PCMTD1: variants seen among roughly 807,000 people sequenced by gnomAD.
The protein encoded by PCMTD1 is protein-L-isoaspartate (D-aspartate) O-methyltransferase domain containing 1.
A neutral mutation model predicts 37.6 loss-of-function variants in PCMTD1; 12 were observed. That is an observed-to-expected ratio of 0.32 (90% CI 0.20 to 0.52). The LOEUF is 0.52. Among genes scored for constraint, PCMTD1 ranks in the 20% least tolerant of loss-of-function variants. The pLI is 0.97. For synonymous variants in PCMTD1, 117 were observed against 135.8 expected (o/e 0.86, Z 0.96); for missense variants, 235 against 421.3 (o/e 0.56, Z 3.87).
chr8:51,872,196 A>T (rs1285652461), intron 1 of PCMTD1, among the ~76,000 whole-genome samples: 2 of 149,900 alleles, frequency 1.3e-5, no homozygotes, highest in East Asian at 4.0e-4. Context: ...ATGGATCCCC[A>T]AAGCCTTTCC....
intron 2 of PCMTD1, among the ~76,000 whole-genome samples, chr8:51,847,876 G>A (rs6982622): frequency 0.5 from 76,339 of 151,798 alleles, 23,530 homozygotes; most frequent in Non-Finnish European, 0.68. Context: ...CTAGGACTTC[G>A]AGACCAGCCT....
intron 3 of PCMTD1, chr8:51,845,418 T>TG: frequency 2.8e-6 from 1 of 355,414 alleles, no homozygotes; most frequent in Non-Finnish European, 5.2e-6. Context: ...GAATGTTTAA[T>TG]GAATTCAACA....
At chr8:51,891,975 T>C (rs918567385) in intron 1 of PCMTD1, among the ~76,000 whole-genome samples, 2 of 152,174 alleles carry the variant, frequency 1.3e-5, no homozygotes, top group Admixed American at 1.3e-4. Flanking sequence ...CACGAATATA[T>C]TGTTTCTGTT....
intron 5 of PCMTD1, among the ~76,000 whole-genome samples, chr8:51,821,337 C>CAATAT (rs1225868779): frequency 6.6e-6 from 1 of 152,188 alleles, no homozygotes; most frequent in African/African-American, 2.4e-5. Context: ...CGGGATCTCA[C>CAATAT]TATATTGCCT....
chr8:51,857,932 C>G (rs74681723), intron 2 of PCMTD1, among the ~76,000 whole-genome samples: 17,872 of 152,138 alleles, frequency 0.12, 1,291 homozygotes, highest in East Asian at 0.17. Context: ...GTCGAAGCTG[C>G]AGTGAGCCAA....
At chr8:51,872,976 A>C (rs940118103) in intron 1 of PCMTD1, among the ~76,000 whole-genome samples, 3 of 152,226 alleles carry the variant, frequency 2.0e-5, no homozygotes, top group Non-Finnish European at 4.4e-5. Context: ...AAAAAATCTA[A>C]GCATATTTAC....
chr8:51,837,173 A>G (rs1263860325), intron 3 of PCMTD1, among the ~76,000 whole-genome samples: 1 of 152,176 alleles, frequency 6.6e-6, no homozygotes, highest in Non-Finnish European at 1.5e-5. Context: ...CTTCTATCTA[A>G]GGGAAATTAT....
chr8:51,897,212 G>C (rs2039015901), intron 1 of PCMTD1, among the ~76,000 whole-genome samples: 1 of 152,168 alleles, frequency 6.6e-6, no homozygotes, highest in South Asian at 2.1e-4. Flanking sequence ...ACAAGCTAGT[G>C]ATTAAATCAA....
At chr8:51,832,405 G>C (rs975455904) in intron 4 of PCMTD1, among the ~76,000 whole-genome samples, 2 of 152,166 alleles carry the variant, frequency 1.3e-5, no homozygotes, top group African/African-American at 4.8e-5. Flanking sequence ...TTGCTACAGA[G>C]CACAGTACAT....
At chr8:51,877,098 T>A (rs12675404) in intron 1 of PCMTD1, among the ~76,000 whole-genome samples, 104,607 of 152,056 alleles carry the variant, frequency 0.69, 42,408 homozygotes, top group Non-Finnish European at 0.9. Context: ...TTGGTGCCGT[T>A]AAGAACTAGT....
intron 1 of PCMTD1, among the ~76,000 whole-genome samples, chr8:51,880,304 G>C (rs565697578): frequency 6.6e-6 from 1 of 152,196 alleles, no homozygotes; most frequent in East Asian, 1.9e-4. Context: ...CCCAACCTCA[G>C]TGGCAATTAA....
At chr8:51,887,258 T>C (rs1304294899) in intron 1 of PCMTD1, among the ~76,000 whole-genome samples, 2 of 152,150 alleles carry the variant, frequency 1.3e-5, no homozygotes, top group Admixed American at 6.5e-5. Flanking sequence ...GGGCTACTAT[T>C]TGCCTAGCAC....
rs576523587 is a variant in PCMTD1, at chr8:51,873,662, A to T, written c.-95-12416T>A. ...GGTGCTGTCCTCATGATAGGGAGTG[A>T]GTTCTCCTGCGATACGGTATTTTAA... On this transcript the variant is annotated intron_variant, in intron 1 of 5. Transcript: ENST00000522514. Among the ~76,000 whole-genome samples the T allele has an allele frequency of 2.0e-5, 3 of 152,108 alleles. No homozygotes were observed. The East Asian group carries it at 5.8e-4, about 30-fold the overall frequency.
In PCMTD1 at chr8:51,818,409, C is replaced by CAAAAAAAAAAA. The variant is rs35041148; in HGVS notation, c.*1931_*1941dup. On this transcript the variant is annotated 3_prime_UTR_variant, in exon 6 of 6. Transcript: ENST00000522514. ...GCATCATCTAAACAGCAGCTCCAAC[C>CAAAAAAAAAAA]AAAAAAAAAAAAAAAAACAAGCAGG... The CAAAAAAAAAAA allele has an allele frequency of 1.4e-5, 2 of 138,066 alleles. No individual in the cohort carries two copies. Among genetic ancestry groups the CAAAAAAAAAAA allele is most frequent in the Non-Finnish European group, 3.1e-5 (2 of 63,810 alleles). The allele number at this position is 138,066 out of a possible 1,614,324, so 8.6% of individuals were successfully genotyped here. A position where few individuals can be genotyped will look rare whatever the true frequency, so the allele number is the denominator to read the frequency against.
intron 1 of PCMTD1, among the ~76,000 whole-genome samples, chr8:51,862,499 T>C (rs1211624265): frequency 2.6e-5 from 4 of 152,234 alleles, no homozygotes; most frequent in African/African-American, 7.2e-5. Flanking sequence ...TTAAGCTTTA[T>C]TCAACTATAG....
chr8:51,833,730 C>A, intron 3 of PCMTD1, 41 bp from the exon 4 acceptor site: 1 of 1,548,206 alleles, frequency 6.5e-7, no homozygotes, highest in Non-Finnish European at 8.7e-7. Flanking sequence ...TTAAGCAAAA[C>A]ATTAGATCTA....
chr8:51,818,352 C>T lies in PCMTD1; in HGVS notation c.*1999G>A, dbSNP rs1189673928. The T allele has an allele frequency of 3.4e-5, 6 of 175,352 alleles. No individual in the cohort carries two copies. Among genetic ancestry groups the T allele is most frequent in the Non-Finnish European group, 7.1e-5 (6 of 84,936 alleles). 10.9% of individuals were successfully genotyped at this position (175,352 alleles called of 1,614,324 possible). A position where few individuals can be genotyped will look rare whatever the true frequency, so the allele number is the denominator to read the frequency against. ...TGGAAAAGCCAATCTTCAAATATAT[C>T]CTTAACAAAAACTCTCTCCTGCATA... On this transcript the variant is annotated 3_prime_UTR_variant, in exon 6 of 6. Transcript: ENST00000522514.
chr8:51,854,907 G>A (rs1385888216), intron 2 of PCMTD1, among the ~76,000 whole-genome samples: 2 of 151,092 alleles, frequency 1.3e-5, no homozygotes, highest in Non-Finnish European at 1.5e-5. Context: ...AGGCGTGGTG[G>A]CTCACGCCTG....
chr8:51,842,951 T>G (rs1212839077), intron 3 of PCMTD1, among the ~76,000 whole-genome samples: 2 of 152,162 alleles, frequency 1.3e-5, no homozygotes, highest in Non-Finnish European at 2.9e-5. Context: ...TTATCTTATA[T>G]TTTGTTAACA....
Sources: allele counts gnomAD v4.1 joint callset (sites outside exome capture counted in the v4.1 genomes callset), GRCh38; gene constraint gnomAD v4.1.1; transcripts MANE v1.5; gene names NCBI Gene and HGNC (gene_info 2026-07-23, HGNC 2026-07-21).